CD6: variants seen among roughly 807,000 people sequenced by gnomAD.
CD6 encodes T-cell differentiation antigen CD6.
Under a neutral mutation model 75.3 loss-of-function variants are expected in CD6, and 53 were observed. That is an observed-to-expected ratio of 0.70 (90% CI 0.56 to 0.88). CD6 has a LOEUF of 0.88. Among genes scored for constraint, CD6 ranks in the 40% least tolerant of loss-of-function variants. The pLI is 0.00. For synonymous variants in CD6, 359 were observed against 381.5 expected (o/e 0.94, Z 0.69); for missense variants, 770 against 897.1 (o/e 0.86, Z 1.81).
chr11:61,013,937 A>C lies in CD6; in HGVS notation c.1310A>C (p.Asn437Thr). Residue 437 changes from asparagine to threonine, a missense_variant, in exon 8 of 13, where the codon AAC becomes ACC. Coordinates refer to ENST00000313421, the MANE Select transcript of CD6 (RefSeq NM_006725.5). ...CCCTCAGCCCTCCCCGTAATGGTGA[A>C]CCACCAGCACCTACCCACCACCATC... The part of the protein sequence containing the change: ...KGKYALPVMV[N>T]HQHLPTTIPA... 3 of 1,612,432 alleles carry C rather than the reference A, an allele frequency of 1.9e-6. No homozygotes were observed. Among genetic ancestry groups the C allele is most frequent in the Non-Finnish European group, 2.5e-6 (3 of 1,179,402 alleles).
chr11:60,982,682 T>A (rs1168239884), intron 1 of CD6: 3 of 456,042 alleles, frequency 6.6e-6, no homozygotes, highest in Non-Finnish European at 1.3e-5. Context: ...TTTGCCGGGA[T>A]GGGATTCTAG....
Position 61,013,632 on chromosome 11 carries a change from A to T in CD6, c.1291+69A>T, listed in dbSNP as rs1037671664. 6 of 1,561,702 alleles carry T rather than the reference A, an allele frequency of 3.8e-6. No individual in the cohort carries two copies. The Admixed American group carries it at 5.2e-5, about 13-fold the overall frequency. On this transcript the variant is annotated intron_variant, in intron 7 of 12. Transcript: ENST00000313421. Reference sequence around the variant, plus strand: ...TGAGCCTTGGCAGAACCCCAGCAGCAGTGGCGTGGTCCAGCAATGACCACC... The same window carrying T: ...TGAGCCTTGGCAGAACCCCAGCAGCTGTGGCGTGGTCCAGCAATGACCACC...
At chr11:61,011,270 A>C in intron 6 of CD6, 135 bp downstream of exon 6, 1 of 712,244 alleles carries the variant, frequency 1.4e-6, no homozygotes, top group Non-Finnish European at 2.4e-6. Context: ...CAGCCAATGG[A>C]CTTGCCTCCC....
At position 61,009,743 on chromosome 11, in the gene CD6, TG is replaced by T. The variant is rs1181529369; in HGVS notation, c.954del (p.His320ThrfsTer64). 1 of 1,613,946 alleles carries T rather than the reference TG, an allele frequency of 6.2e-7. No homozygotes were observed. The highest frequency in any genetic ancestry group is 8.5e-7 in the Non-Finnish European group (1 of 1,180,018). Reference sequence around the variant, plus strand: ...ACTGCGGTTGAGAGGCCCAAGGGGCTGCCCCACTCCTTGTCCGGCAGGATGT... The same window carrying T: ...ACTGCGGTTGAGAGGCCCAAGGGGCTCCCCACTCCTTGTCCGGCAGGATGT... Reference protein sequence around the residue: ...CGTAVERPKGLPHSLSGRMYY... With the variant: ...CGTAVERPKGXPHSLSGRMYY... On this transcript the variant is annotated frameshift_variant, in exon 5 of 13. Coordinates refer to ENST00000313421, the MANE Select transcript of CD6 (RefSeq NM_006725.5). LOFTEE classifies it high-confidence loss of function.
chr11:60,971,691 G>C lies in CD6; in HGVS notation c.-175G>C. 1 of 631,880 alleles carries C rather than the reference G, an allele frequency of 1.6e-6. No homozygotes were observed. The highest frequency in any genetic ancestry group is 2.8e-6 in the Non-Finnish European group (1 of 355,912). The allele number at this position is 631,880 out of a possible 1,614,324, so 39.1% of individuals were successfully genotyped here. Reference sequence around the variant, plus strand: ...AGCAGGCGTGAGACACTCACAGGTTGGGTTTGATCGCATGCGTGTCGGAGA... The same window carrying C: ...AGCAGGCGTGAGACACTCACAGGTTCGGTTTGATCGCATGCGTGTCGGAGA... On this transcript the variant is annotated 5_prime_UTR_variant, in exon 1 of 13. Transcript: ENST00000313421.
chr11:60,971,749 CAGCAAAGGGTAG>C lies in CD6; in HGVS notation c.-112_-101del. 1.0e-6 allele frequency: 1 copy of C among 960,556 alleles called. No individual in the cohort carries two copies. Among genetic ancestry groups the C allele is most frequent in the Non-Finnish European group, 1.6e-6 (1 of 619,798 alleles). 59.5% of individuals were successfully genotyped at this position (960,556 alleles called of 1,614,324 possible). A position where few individuals can be genotyped will look rare whatever the true frequency, so the allele number is the denominator to read the frequency against. ...GCAGAGAGAGACACAGGAACAAGAA[CAGCAAAGGGTAG>C]AGCAGACCTGCGCCAGGGGCGCACA... On this transcript the variant is annotated 5_prime_UTR_variant, in exon 1 of 13. Coordinates refer to ENST00000313421, the MANE Select transcript of CD6 (RefSeq NM_006725.5).
chr11:60,972,806 C>G (rs1301129307), intron 1 of CD6, among the ~76,000 whole-genome samples: 1 of 152,124 alleles, frequency 6.6e-6, no homozygotes, highest in Non-Finnish European at 1.5e-5. Flanking sequence ...GGGCATCGAG[C>G]TGGTTTGGAG....
At chr11:60,983,486 G>A (rs1404855521) in intron 1 of CD6, among the ~76,000 whole-genome samples, 1 of 152,118 alleles carries the variant, frequency 6.6e-6, no homozygotes, top group South Asian at 2.1e-4. Context: ...TCTTCCCTCA[G>A]ACTCTCCAAC....
chr11:60,979,847 A>G (rs886665095), intron 1 of CD6, among the ~76,000 whole-genome samples: 1 of 152,150 alleles, frequency 6.6e-6, no homozygotes, highest in Admixed American at 6.5e-5. Flanking sequence ...TAGGACATGA[A>G]GGTTTGCCCT....
At chr11:60,975,472 C>T (rs1393347957) in intron 1 of CD6, among the ~76,000 whole-genome samples, 4 of 152,190 alleles carry the variant, frequency 2.6e-5, no homozygotes, top group African/African-American at 9.7e-5. Context: ...TCTATTATCA[C>T]AATTAAGTTT....
chr11:60,993,293 G>A (rs142686666), intron 1 of CD6, among the ~76,000 whole-genome samples: 2 of 114,522 alleles, frequency 1.7e-5, no homozygotes, highest in African/African-American at 5.2e-5. Context: ...GAGGAGTGAG[G>A]AGGAGAGAAT....
At chr11:61,011,199 GTGTGTTCC>G in intron 6 of CD6, 64 bp downstream of exon 6, 1 of 1,321,192 alleles carries the variant, frequency 7.6e-7, no homozygotes, top group Non-Finnish European at 1.1e-6. Flanking sequence ...GTGTGTGTGT[GTGTGTTCC>G]TGTGCACACC....
rs1210043827 is a variant in CD6 at position 61,020,353 on chromosome 11, G to C, written c.*1035G>C. Reference sequence around the variant, plus strand: ...TGTTGTCCTGCTCTGAGTATCCTGAGATTAAACTGAATTGCTGAATGAAAC... The same window carrying C: ...TGTTGTCCTGCTCTGAGTATCCTGACATTAAACTGAATTGCTGAATGAAAC... On this transcript the variant is annotated 3_prime_UTR_variant, in exon 13 of 13. Transcript: ENST00000313421. 1 of 398,858 alleles carries C rather than the reference G, an allele frequency of 2.5e-6. No individual in the cohort carries two copies. Among genetic ancestry groups the C allele is most frequent in the Non-Finnish European group, 4.4e-6 (1 of 226,082 alleles). The allele number at this position is 398,858 out of a possible 1,614,324, so 24.7% of individuals were successfully genotyped here. A position where few individuals can be genotyped will look rare whatever the true frequency, so the allele number is the denominator to read the frequency against.
chr11:61,009,920 C>T (rs1859067186), intron 5 of CD6, 46 bp downstream of exon 5: 7 of 1,508,140 alleles, frequency 4.6e-6, no homozygotes, highest in African/African-American at 1.4e-5. Context: ...CAGAATTCTA[C>T]CTGAATCCAT....
chr11:60,983,870 A>G (rs1195723052), intron 1 of CD6, among the ~76,000 whole-genome samples: 1 of 152,000 alleles, frequency 6.6e-6, no homozygotes, highest in African/African-American at 2.4e-5. Context: ...TTTCTCTTTC[A>G]TGTCATTGAT....
At chr11:60,976,818 C>T (rs1857381429) in intron 1 of CD6, among the ~76,000 whole-genome samples, 1 of 152,216 alleles carries the variant, frequency 6.6e-6, no homozygotes, top group Admixed American at 6.5e-5. Flanking sequence ...AACCTAATCC[C>T]CTACATCTGC....
intron 1 of CD6, among the ~76,000 whole-genome samples, chr11:60,991,442 G>A (rs184068304): frequency 2.8e-4 from 43 of 152,036 alleles, no homozygotes; most frequent in Non-Finnish European, 2.2e-4. Context: ...CGTGAGCCCC[G>A]CGTTTGGCCT....
chr11:61,018,333 T>C lies in CD6; in HGVS notation c.1882T>C (p.Trp628Arg). 6.2e-7 allele frequency: 1 copy of C among 1,607,498 alleles called. No homozygotes were observed. Among genetic ancestry groups the C allele is most frequent in the South Asian group, 1.1e-5 (1 of 89,654 alleles). The change falls in exon 12 of 13, where the codon TGG becomes CGG. Residue 628 changes from tryptophan (W) to arginine (R), a missense_variant. Transcript: ENST00000313421. Reference sequence around the variant, plus strand: ...CAGCTCCAGCACCTCATCCGGGGAGTGGTACCAGAACTTCCAGCCACCACC... The same window carrying C: ...CAGCTCCAGCACCTCATCCGGGGAGCGGTACCAGAACTTCCAGCCACCACC... ...DDSSSTSSGE[W>R]YQNFQPPPQP...
chr11:61,019,154 AC>A, intron 12 of CD6, 99 bp from the exon 13 acceptor site: 1 of 802,818 alleles, frequency 1.2e-6, no homozygotes, highest in East Asian at 2.7e-5. Flanking sequence ...GCAGCATCCC[AC>A]GGGGATAGTG....
Sources: allele counts gnomAD v4.1 joint callset (sites outside exome capture counted in the v4.1 genomes callset), GRCh38; gene constraint gnomAD v4.1.1; transcripts MANE v1.5; gene names NCBI Gene and HGNC (gene_info 2026-07-23, HGNC 2026-07-21).